The following CRISPLD2 variants were observed in gnomAD, a reference collection of about 807,000 sequenced individuals.
The protein encoded by CRISPLD2 is cysteine-rich secretory protein LCCL domain-containing 2.
Under a neutral mutation model 71.1 loss-of-function variants are expected in CRISPLD2, and 47 were observed. The observed-to-expected ratio is 0.66, with a 90% CI of 0.52 to 0.84. The LOEUF (loss-of-function observed/expected upper bound fraction) is 0.84, where lower values mean the gene tolerates loss of function less well. CRISPLD2 is among the 40% of genes least tolerant of loss of function. The probability of loss-of-function intolerance (pLI) is 0.00; values close to 1 mark genes in which losing one functional copy is unlikely to be tolerated. For synonymous variants in CRISPLD2, 317 were observed against 250.1 expected (o/e 1.27, Z -2.52); for missense variants, 830 against 651.1 (o/e 1.27, Z -2.99).
chr16:84,892,528 C>G (rs562649491), intron 14 of CRISPLD2, among the ~76,000 whole-genome samples: 1 of 152,146 alleles, frequency 6.6e-6, no homozygotes, highest in East Asian at 1.9e-4. Context: ...AGATTCTCAG[C>G]GCTGAGTTGT....
chr16:84,836,598 G>A (rs986711546), intron 1 of CRISPLD2, among the ~76,000 whole-genome samples: 2 of 152,134 alleles, frequency 1.3e-5, no homozygotes, highest in African/African-American at 4.8e-5. Context: ...TCCAGGGGTC[G>A]GGAATGGGAA....
At chr16:84,883,557 C>T (rs1356154080) in intron 13 of CRISPLD2, among the ~76,000 whole-genome samples, 2 of 152,180 alleles carry the variant, frequency 1.3e-5, no homozygotes, top group African/African-American at 4.8e-5. Context: ...CAGAATCCAC[C>T]CCCGCGCCTG....
chr16:84,860,446 T>G (rs1446143972), intron 6 of CRISPLD2, among the ~76,000 whole-genome samples: 2 of 152,174 alleles, frequency 1.3e-5, no homozygotes, highest in Non-Finnish European at 2.9e-5. Context: ...CGCCAGGACT[T>G]TAGTCTAGTT....
At chr16:84,839,904 G>GT (rs1916725330) in intron 2 of CRISPLD2, 2 of 152,386 alleles carry the variant, frequency 1.3e-5, no homozygotes, top group Non-Finnish European at 2.9e-5. Flanking sequence ...GGAGGTGGAG[G>GT]TGGGGGGTGG....
chr16:84,832,019 G>T (rs1916501064), intron 1 of CRISPLD2, among the ~76,000 whole-genome samples: 1 of 152,270 alleles, frequency 6.6e-6, no homozygotes, highest in African/African-American at 2.4e-5. Context: ...GCAGGCGTGA[G>T]CCGCCATGTC....
chr16:84,834,066 G>A lies in CRISPLD2; in HGVS notation c.-74-4356G>A, dbSNP rs7404749. Among the ~76,000 whole-genome samples, 834 of 152,278 alleles carry A rather than the reference G, an allele frequency of 5.5e-3. 6 individuals carry two copies. The highest frequency in any genetic ancestry group is 0.018 in the African/African-American group (733 of 41,550). On this transcript the variant is annotated intron_variant, in intron 1 of 14. Transcript: ENST00000262424. ...TGGGCCTCGAGGTTAGAAGAGCTGC[G>A]TTCCGGCTCCAGACTTGCTGCTCGC... is the stretch of plus-strand genomic sequence containing the variant.
intron 14 of CRISPLD2, among the ~76,000 whole-genome samples, chr16:84,903,109 C>T (rs957274610): frequency 4.6e-5 from 7 of 152,054 alleles, no homozygotes; most frequent in African/African-American, 1.7e-4. Flanking sequence ...TGAGGTGGCA[C>T]CTAGCAGGGT....
At chr16:84,857,437 G>T (rs961046023) in intron 6 of CRISPLD2, among the ~76,000 whole-genome samples, 3 of 152,150 alleles carry the variant, frequency 2.0e-5, no homozygotes, top group Non-Finnish European at 4.4e-5. Context: ...AAATTTCTCT[G>T]TCGCCAATTT....
At chr16:84,891,212 C>G (rs1285829516) in intron 14 of CRISPLD2, among the ~76,000 whole-genome samples, 1 of 152,236 alleles carries the variant, frequency 6.6e-6, no homozygotes, top group African/African-American at 2.4e-5. Context: ...GAGGGACGTT[C>G]TTTAGAGAAG....
At chr16:84,893,939 A>G (rs2071684077) in intron 14 of CRISPLD2, among the ~76,000 whole-genome samples, 1 of 152,184 alleles carries the variant, frequency 6.6e-6, no homozygotes, top group South Asian at 2.1e-4. Context: ...CCCAAGGGAG[A>G]CGTAGATGTT....
rs1239956255 is a variant in CRISPLD2 at position 84,873,983 on chromosome 16, T to G, written c.1156+20T>G. 1.3e-6 allele frequency: 2 copies of G among 1,597,064 alleles called. No individual in the cohort carries two copies. Among genetic ancestry groups the G allele is most frequent in the East Asian group, 4.5e-5 (2 of 44,660 alleles). On this transcript the variant is annotated intron_variant, in intron 11 of 14. Coordinates refer to ENST00000262424, the MANE Select transcript of CRISPLD2 (RefSeq NM_031476.4). ...TGAAAGGTAAGCTAGCCAGTCTCTT[T>G]TGCGACCATAATACCTGGGTTATCT...
At chr16:84,885,978 C>T (rs2071609688) in intron 13 of CRISPLD2, among the ~76,000 whole-genome samples, 1 of 152,082 alleles carries the variant, frequency 6.6e-6, no homozygotes, top group African/African-American at 2.4e-5. Flanking sequence ...GCCACAACAT[C>T]TGACTAACGT....
intron 13 of CRISPLD2, among the ~76,000 whole-genome samples, chr16:84,881,774 C>G (rs2071570643): frequency 6.6e-6 from 1 of 152,120 alleles, no homozygotes; most frequent in East Asian, 1.9e-4. Context: ...CTGCACCCGG[C>G]CTCCAGATAG....
In CRISPLD2 at chr16:84,824,182, CA is replaced by C. The variant is rs140773786; in HGVS notation, c.-75+4050del. 2.3e-3 allele frequency among the ~76,000 whole-genome samples: 343 copies of C among 152,242 alleles called. 2 individuals carry two copies. Among genetic ancestry groups the C allele is most frequent in the African/African-American group, 7.9e-3 (328 of 41,530 alleles). On this transcript the variant is annotated intron_variant, in intron 1 of 14. Transcript: ENST00000262424. ...GGCACCGTGTGTGTGCAAAGGCCTG[CA>C]GGTGGAGAAGGGCCTGGGACTCTTG...
chr16:84,899,506 C>T (rs1235419116), intron 14 of CRISPLD2, among the ~76,000 whole-genome samples: 1 of 152,216 alleles, frequency 6.6e-6, no homozygotes, highest in Non-Finnish European at 1.5e-5. Context: ...CAACTGGGGA[C>T]ACTGAAGGTG....
chr16:84,852,018 C>G (rs907629516), intron 5 of CRISPLD2, among the ~76,000 whole-genome samples: 1 of 152,100 alleles, frequency 6.6e-6, no homozygotes, highest in Non-Finnish European at 1.5e-5. Context: ...TCCCCTGGAC[C>G]AAGGGGTGGC....
intron 8 of CRISPLD2, among the ~76,000 whole-genome samples, chr16:84,870,209 A>T (rs760471801): frequency 4.9e-4 from 74 of 152,250 alleles, no homozygotes; most frequent in Non-Finnish European, 7.8e-4. Context: ...ACAAAAAAGT[A>T]GAAAGAAAAA....
intron 14 of CRISPLD2, among the ~76,000 whole-genome samples, chr16:84,893,741 T>C (rs1021770374): frequency 3.9e-5 from 6 of 152,172 alleles, no homozygotes; most frequent in Admixed American, 3.9e-4. Context: ...GACACCTGGG[T>C]GTGGCCATGC....
In CRISPLD2 at chr16:84,849,392, T is replaced by C; in HGVS notation, c.367T>C (p.Ser123Pro). 1.9e-6 allele frequency: 3 copies of C among 1,613,182 alleles called. No individual in the cohort carries two copies. Among genetic ancestry groups the C allele is most frequent in the Non-Finnish European group, 2.5e-6 (3 of 1,179,342 alleles). The change falls in exon 4 of 15, where the codon TCT (serine) becomes CCT (proline). Residue 123 changes from serine to proline, a missense_variant. Physicochemically the swap from Ser to Pro is moderately conservative, Grantham distance 74 (BLOSUM62 -1). Transcript: ENST00000262424. ...GCGGTTTCTGCCCTGCAGGTATCGC[T>C]CTCCGGGGTTCCATGTGCAGTCCTG... ...NLGAHWGRYR[S>P]PGFHVQSWYD...
Sources: gnomAD v4.1 joint callset for allele counts (sites outside exome capture counted in the v4.1 genomes callset) on GRCh38, gnomAD v4.1.1 for gene constraint, MANE v1.5 for transcripts, NCBI Gene and HGNC (gene_info 2026-07-23, HGNC 2026-07-21) for gene names.